MAP2: variants seen among roughly 807,000 people sequenced by gnomAD.
MAP2 encodes microtubule associated protein 2.
A neutral mutation model predicts 137.6 loss-of-function variants in MAP2; 14 were observed. That is an observed-to-expected ratio of 0.10 (90% CI 0.07 to 0.16). MAP2 has a LOEUF of 0.16. MAP2 is among the 10% of genes least tolerant of loss of function. MAP2 has a pLI of 1.00. For missense variants in MAP2, 2,088 were observed against 2,191.5 expected, an observed-to-expected ratio of 0.95 and a Z score of 0.94; for synonymous variants, 786 against 782.3, an observed-to-expected ratio of 1.00 and a Z score of -0.08.
At chr2:209,460,521 CTTCCCT>C (rs763363938) in intron 1 of MAP2, among the ~76,000 whole-genome samples, 17 of 151,936 alleles carry the variant, frequency 1.1e-4, no homozygotes, top group Admixed American at 5.9e-4. Context: ...GAGAAATGAT[CTTCCCT>C]TTCCCTTTCC....
At chr2:209,701,871 C>A (rs1056888975) in intron 11 of MAP2, among the ~76,000 whole-genome samples, 2 of 152,020 alleles carry the variant, frequency 1.3e-5, no homozygotes, top group African/African-American at 4.8e-5. Flanking sequence ...GGCTATGAAA[C>A]AAATCATGTT....
intron 1 of MAP2, among the ~76,000 whole-genome samples, chr2:209,443,104 A>C (rs760384024): frequency 3.3e-5 from 5 of 151,600 alleles, no homozygotes; most frequent in Non-Finnish European, 7.4e-5. Flanking sequence ...ATCTGGAAGC[A>C]TGCTATCTCT....
intron 1 of MAP2, among the ~76,000 whole-genome samples, chr2:209,486,276 G>A (rs1221153608): frequency 6.6e-6 from 1 of 151,698 alleles, no homozygotes; most frequent in African/African-American, 2.4e-5. Flanking sequence ...TCACCAGGCT[G>A]GAGTGCAGTG....
chr2:209,628,854 A>G (rs986846677), intron 4 of MAP2, among the ~76,000 whole-genome samples: 4 of 152,160 alleles, frequency 2.6e-5, no homozygotes, highest in African/African-American at 9.7e-5. Context: ...CACTTGCTGA[A>G]GGGATGACTA....
At chr2:209,546,992 T>G (rs1412938735) in intron 2 of MAP2, among the ~76,000 whole-genome samples, 2 of 152,166 alleles carry the variant, frequency 1.3e-5, no homozygotes, top group Admixed American at 1.3e-4. Flanking sequence ...TAGAAGAAAT[T>G]TTTAAAAATT....
intron 3 of MAP2, among the ~76,000 whole-genome samples, chr2:209,602,693 G>C (rs1314873447): frequency 2.0e-5 from 3 of 152,310 alleles, no homozygotes; most frequent in Admixed American, 6.5e-5. Context: ...AAGAGACCAA[G>C]AAGACTCAAG....
intron 2 of MAP2, among the ~76,000 whole-genome samples, chr2:209,528,103 C>A (rs1178347387): frequency 2.8e-5 from 4 of 142,254 alleles, no homozygotes; most frequent in African/African-American, 5.2e-5. Context: ...CATCTTCCCC[C>A]CCTGCCCACC....
intron 3 of MAP2, among the ~76,000 whole-genome samples, chr2:209,621,101 A>C (rs1439267147): frequency 2.6e-5 from 4 of 151,624 alleles, no homozygotes; most frequent in Non-Finnish European, 5.9e-5. Flanking sequence ...GGACTGAGGC[A>C]TAAGAATCAC....
chr2:209,673,943 A>T (rs1021736851), intron 5 of MAP2, among the ~76,000 whole-genome samples: 1 of 151,818 alleles, frequency 6.6e-6, no homozygotes, highest in African/African-American at 2.4e-5. Context: ...CAGGATTATC[A>T]TACCTTTTAG....
chr2:209,459,281 G>T (rs1304219442), intron 1 of MAP2, among the ~76,000 whole-genome samples: 2 of 152,066 alleles, frequency 1.3e-5, no homozygotes, highest in African/African-American at 4.8e-5. Flanking sequence ...ATAGTTTTGA[G>T]GTTGAATAGT....
rs576336870 is a variant in MAP2 at position 209,477,920 on chromosome 2, C to T, written c.-221-29672C>T. 4.6e-5 allele frequency among the ~76,000 whole-genome samples: 7 copies of T among 151,682 alleles called. No homozygotes were observed. In the East Asian group the frequency reaches 1.4e-3, roughly 29 times the overall value. On this transcript the variant is annotated intron_variant, in intron 1 of 15. Coordinates refer to ENST00000682079, the MANE Select transcript of MAP2 (RefSeq NM_001375505.1). ...TGCGGAGGCTGAGGTGTGAGGATGGCTTGAGCCTGGGAGATTGAGACTGCA... is the reference window on the plus strand; with the variant it reads ...TGCGGAGGCTGAGGTGTGAGGATGGTTTGAGCCTGGGAGATTGAGACTGCA...
At chr2:209,705,437 T>C in intron 11 of MAP2, 143 bp from the exon 12 acceptor site, 1 of 549,856 alleles carries the variant, frequency 1.8e-6, no homozygotes, top group Non-Finnish European at 2.9e-6. Flanking sequence ...AAAGTAGAAA[T>C]GTTTATAAAT....
chr2:209,675,471 T>C (rs1300649022), intron 5 of MAP2, among the ~76,000 whole-genome samples: 1 of 151,870 alleles, frequency 6.6e-6, no homozygotes, highest in Admixed American at 6.6e-5. Flanking sequence ...TTTGTTTAAG[T>C]TGGACATTTC....
At chr2:209,440,236 A>G (rs1345379130) in intron 1 of MAP2, among the ~76,000 whole-genome samples, 1 of 151,534 alleles carries the variant, frequency 6.6e-6, no homozygotes, top group South Asian at 2.1e-4. Context: ...GAGTAAATCA[A>G]TGAATAGTTT....
intron 1 of MAP2, among the ~76,000 whole-genome samples, chr2:209,478,334 A>G (rs1346907094): frequency 2.0e-5 from 3 of 152,302 alleles, no homozygotes; most frequent in African/African-American, 7.2e-5. Flanking sequence ...GGAGATAACC[A>G]TAATATTATC....
chr2:209,575,089 A>G (rs1243658581), intron 2 of MAP2, among the ~76,000 whole-genome samples: 2 of 152,218 alleles, frequency 1.3e-5, no homozygotes, highest in Non-Finnish European at 2.9e-5. Flanking sequence ...TTATCAAACA[A>G]ACTCTTTCTG....
At chr2:209,596,009 A>G (rs2081189065) in intron 3 of MAP2, among the ~76,000 whole-genome samples, 1 of 152,208 alleles carries the variant, frequency 6.6e-6, no homozygotes, top group Non-Finnish European at 1.5e-5. Context: ...AATGTAAATG[A>G]CAAGTTAATG....
intron 3 of MAP2, among the ~76,000 whole-genome samples, chr2:209,580,732 A>G (rs979286768): frequency 2.6e-5 from 4 of 152,230 alleles, no homozygotes; most frequent in Non-Finnish European, 5.9e-5. Context: ...CCATGAATGC[A>G]CTTGAATCCA....
At chr2:209,538,465 T>A (rs1453321762) in intron 2 of MAP2, among the ~76,000 whole-genome samples, 1 of 152,120 alleles carries the variant, frequency 6.6e-6, no homozygotes, top group East Asian at 1.9e-4. Context: ...TCTGCTATTT[T>A]TTTTTCATCA....
Sources: allele counts gnomAD v4.1 joint callset (sites outside exome capture counted in the v4.1 genomes callset), GRCh38; gene constraint gnomAD v4.1.1; transcripts MANE v1.5; gene names NCBI Gene and HGNC (gene_info 2026-07-23, HGNC 2026-07-21).